FAR2: variants seen among roughly 807,000 people sequenced by gnomAD.
FAR2 encodes the protein epididymis secretory protein Li 81.
Under a neutral mutation model 56.0 loss-of-function variants are expected in FAR2, and 19 were observed. That is an observed-to-expected ratio of 0.34 (90% CI 0.24 to 0.50). The LOEUF is 0.50. Ranked by LOEUF, FAR2 falls within the 20% of genes least tolerant of loss-of-function variation. FAR2 has a pLI of 0.98. For missense variants in FAR2, 508 were observed against 642.2 expected (o/e 0.79, Z 2.26); for synonymous variants, 219 against 218.8 (o/e 1.00, Z -0.01).
intron 4 of FAR2, 102 bp from the exon 5 acceptor site, chr12:29,307,556 C>T (rs374567986): frequency 3.9e-5 from 46 of 1,182,626 alleles, no homozygotes; most frequent in Non-Finnish European, 5.0e-5. Flanking sequence ...ATTCCAGAAC[C>T]GAGGCTAAAA....
intron 1 of FAR2, among the ~76,000 whole-genome samples, chr12:29,264,664 A>T (rs2350314): frequency 2.2e-4 from 11 of 50,962 alleles, no homozygotes; most frequent in East Asian, 1.5e-3. Flanking sequence ...AATAAAGGAG[A>T]GAGAGAGAGA....
intron 5 of FAR2, among the ~76,000 whole-genome samples, chr12:29,308,567 A>C (rs991905545): frequency 1.1e-4 from 10 of 91,976 alleles, no homozygotes; most frequent in African/African-American, 5.5e-4. Flanking sequence ...AAGAGACATA[A>C]TAAGGTCAGC....
intron 1 of FAR2, among the ~76,000 whole-genome samples, chr12:29,166,011 T>C (rs114036580): frequency 0.012 from 1,833 of 152,372 alleles, 31 homozygotes; most frequent in African/African-American, 0.042. Flanking sequence ...CAGTCTTGGC[T>C]CTGTCACTAA....
At chr12:29,242,575 G>T (rs1179571639) in intron 1 of FAR2, among the ~76,000 whole-genome samples, 1 of 152,128 alleles carries the variant, frequency 6.6e-6, no homozygotes, top group Non-Finnish European at 1.5e-5. Context: ...TCAACCTATG[G>T]TAAAGAAATA....
At chr12:29,284,848 T>TTTGTTTGG (rs1948844594) in intron 2 of FAR2, among the ~76,000 whole-genome samples, 1 of 152,010 alleles carries the variant, frequency 6.6e-6, no homozygotes, top group African/African-American at 2.4e-5. Flanking sequence ...TGTTTGTTTG[T>TTTGTTTGG]TTGTTTGTTT....
At chr12:29,240,869 G>A (rs1591881711) in intron 1 of FAR2, among the ~76,000 whole-genome samples, 1 of 151,834 alleles carries the variant, frequency 6.6e-6, no homozygotes, top group Non-Finnish European at 1.5e-5. Context: ...GCAGTGACAC[G>A]ATCTCAGCTC....
intron 1 of FAR2, among the ~76,000 whole-genome samples, chr12:29,177,743 T>G (rs1214051306): frequency 6.6e-6 from 1 of 152,192 alleles, no homozygotes; most frequent in Admixed American, 6.5e-5. Context: ...GATGGTATTT[T>G]TATCCCCATT....
intron 1 of FAR2, among the ~76,000 whole-genome samples, chr12:29,160,333 C>T (rs772945662): frequency 2.0e-5 from 3 of 152,212 alleles, no homozygotes; most frequent in Non-Finnish European, 4.4e-5. Context: ...TGTCATTCCC[C>T]TGCATAACAC....
At chr12:29,268,942 A>T (rs921011955) in intron 1 of FAR2, among the ~76,000 whole-genome samples, 3 of 152,192 alleles carry the variant, frequency 2.0e-5, no homozygotes, top group African/African-American at 7.2e-5. Context: ...CAAGTCCTTT[A>T]CAAGGTAATA....
chr12:29,285,686 C>T (rs1424522710), intron 2 of FAR2, among the ~76,000 whole-genome samples: 1 of 151,992 alleles, frequency 6.6e-6, no homozygotes, highest in Admixed American at 6.5e-5. Context: ...TTTGGGAGGT[C>T]GAGGCAGACA....
chr12:29,227,770 T>C (rs1271213075), intron 1 of FAR2, among the ~76,000 whole-genome samples: 1 of 152,150 alleles, frequency 6.6e-6, no homozygotes, highest in Non-Finnish European at 1.5e-5. Flanking sequence ...ATTTTTTTTG[T>C]TGCATTTAGT....
At position 29,309,244 on chromosome 12, in the gene FAR2, T is replaced by A. The variant is rs777350492; in HGVS notation, c.768+14T>A. ...ATCATTATTGCGGTATGTATAATGA[T>A]GAAGAAATAACTCCCTGAAATGTAG... On this transcript the variant is annotated intron_variant, in intron 6 of 11. Coordinates refer to ENST00000536681, the MANE Select transcript of FAR2 (RefSeq NM_001271783.2). 3 of 1,582,248 alleles carry A rather than the reference T, an allele frequency of 1.9e-6. No individual in the cohort carries two copies. In the East Asian group the frequency reaches 6.7e-5, roughly 36 times the overall value.
intron 10 of FAR2, among the ~76,000 whole-genome samples, chr12:29,322,733 T>C (rs928018636): frequency 2.6e-5 from 4 of 152,210 alleles, no homozygotes; most frequent in Non-Finnish European, 2.9e-5. Context: ...TTTTCTAAAA[T>C]GTATCTTTTG....
At chr12:29,272,413 A>T (rs1948634809) in intron 2 of FAR2, among the ~76,000 whole-genome samples, 1 of 152,082 alleles carries the variant, frequency 6.6e-6, no homozygotes, top group African/African-American at 2.4e-5. Flanking sequence ...TCTTCCACTC[A>T]GTTGATTCAG....
At chr12:29,246,066 ATAGT>A (rs950034791) in intron 1 of FAR2, among the ~76,000 whole-genome samples, 4 of 151,528 alleles carry the variant, frequency 2.6e-5, no homozygotes, top group African/African-American at 9.7e-5. Context: ...CTAGGTATAT[ATAGT>A]TATAGTTTTA....
intron 1 of FAR2, among the ~76,000 whole-genome samples, chr12:29,255,065 T>G: frequency 6.6e-6 from 1 of 152,160 alleles, no homozygotes; most frequent in East Asian, 1.9e-4. Flanking sequence ...TGCATTTGTG[T>G]GTGTATTACT....
At chr12:29,219,356 G>A (rs770624051) in intron 1 of FAR2, among the ~76,000 whole-genome samples, 17 of 152,060 alleles carry the variant, frequency 1.1e-4, no homozygotes, top group Non-Finnish European at 2.4e-4. Flanking sequence ...AATCTCTCTT[G>A]GGGAAAAGAA....
chr12:29,303,493 A>T (rs1427347058), intron 4 of FAR2, among the ~76,000 whole-genome samples: 1 of 152,218 alleles, frequency 6.6e-6, no homozygotes, highest in Non-Finnish European at 1.5e-5. Context: ...GAGGCTACAC[A>T]GTCACCAGAA....
At position 29,206,526 on chromosome 12, in the gene FAR2, G is replaced by A. The variant is rs536240098; in HGVS notation, c.-39+57119G>A. Among the ~76,000 whole-genome samples the A allele has an allele frequency of 1.1e-3, 169 of 152,256 alleles. 4 individuals are homozygous for A. In the South Asian group the frequency reaches 0.034, roughly 31 times the overall value. ...CTGTCATGGATAAAATAATGGTTTG[G>A]CTTTGCTTTAGTGCCTCTGGCCCCT... On this transcript the variant is annotated intron_variant, in intron 1 of 11. Transcript: ENST00000536681.
Sources: allele counts gnomAD v4.1 joint callset (sites outside exome capture counted in the v4.1 genomes callset), GRCh38; gene constraint gnomAD v4.1.1; transcripts MANE v1.5; gene names NCBI Gene and HGNC (gene_info 2026-07-23, HGNC 2026-07-21).